The following SDK1 variants were observed in gnomAD, a reference collection of about 807,000 sequenced individuals.
SDK1 encodes sidekick cell adhesion molecule 1, also known as protein sidekick-1.
Under a neutral mutation model 245.5 loss-of-function variants are expected in SDK1, and 157 were observed. The observed-to-expected ratio is 0.64, with a 90% CI of 0.56 to 0.73. SDK1 has a LOEUF of 0.73. SDK1 is among the 30% of genes least tolerant of loss of function. The pLI is 0.00. For synonymous variants in SDK1, 1,647 were observed against 1,278.5 expected, an observed-to-expected ratio of 1.29 and a Z score of -6.15; for missense variants, 3,583 against 3,002.3, an observed-to-expected ratio of 1.19 and a Z score of -4.52.
At chr7:4,137,767 G>A (rs953088121) in intron 28 of SDK1, among the ~76,000 whole-genome samples, 4 of 152,180 alleles carry the variant, frequency 2.6e-5, no homozygotes, top group East Asian at 1.9e-4. Context: ...CTGGCCTTGC[G>A]TCGCTGAAGT....
At position 4,110,725 on chromosome 7, in the gene SDK1, T is replaced by C; in HGVS notation, c.3387T>C (p.Asp1129=). ...TCTATGAAGAGGAGAATGAGCCTGA[T>C]GCCCAGATGCTGGAGATCCCAAACC... ...VTLYEEENEP[D]AQMLEIPNLT... is the part of the protein sequence containing the mutation. Residue 1129 remains aspartate, a synonymous_variant, in exon 23 of 45, where the codon GAT becomes GAC. Transcript: ENST00000404826. 1 of 1,614,076 alleles carries C rather than the reference T, an allele frequency of 6.2e-7. No individual in the cohort carries two copies. The highest frequency in any genetic ancestry group is 8.5e-7 in the Non-Finnish European group (1 of 1,179,964).
chr7:3,467,708 T>G (rs1371678296), intron 1 of SDK1, among the ~76,000 whole-genome samples: 2 of 152,168 alleles, frequency 1.3e-5, no homozygotes, highest in African/African-American at 4.8e-5. Flanking sequence ...TTCCATAGTT[T>G]CTTTGTATTA....
At chr7:4,110,060 A>T (rs6960646) in intron 22 of SDK1, among the ~76,000 whole-genome samples, 1 of 152,110 alleles carries the variant, frequency 6.6e-6, no homozygotes, top group Non-Finnish European at 1.5e-5. Context: ...CAACACTGCC[A>T]GGAGGCAGTT....
intron 4 of SDK1, among the ~76,000 whole-genome samples, chr7:3,802,779 G>A (rs545816351): frequency 6.6e-6 from 1 of 152,188 alleles, no homozygotes; most frequent in African/African-American, 2.4e-5. Flanking sequence ...CAAGTTGCAT[G>A]TATCAATGGC....
chr7:3,974,332 G>A (rs774999460), intron 12 of SDK1, 37 bp from the exon 13 acceptor site: 11 of 1,577,594 alleles, frequency 7.0e-6, no homozygotes, highest in Non-Finnish European at 9.5e-6. Flanking sequence ...CTGTCACTGT[G>A]GGGTTTGTAA....
intron 38 of SDK1, among the ~76,000 whole-genome samples, chr7:4,212,539 A>G (rs1784562716): frequency 6.6e-6 from 1 of 152,318 alleles, no homozygotes; most frequent in Non-Finnish European, 1.5e-5. Context: ...TAGTGTGGCC[A>G]CTTCGAGGGG....
chr7:3,432,975 A>G (rs1037525287), intron 1 of SDK1, among the ~76,000 whole-genome samples: 3 of 152,184 alleles, frequency 2.0e-5, no homozygotes, highest in African/African-American at 4.8e-5. Flanking sequence ...AGTGACTAGA[A>G]TCTTTGAATT....
At chr7:4,127,351 A>G (rs1313268439) in intron 25 of SDK1, 30 bp from the exon 26 acceptor site, 1 of 1,514,526 alleles carries the variant, frequency 6.6e-7, no homozygotes, top group Non-Finnish European at 9.2e-7. Flanking sequence ...TAGATTTTGG[A>G]TGCTAATCTA....
chr7:3,527,938 A>T (rs1783203136), intron 1 of SDK1, among the ~76,000 whole-genome samples: 1 of 147,836 alleles, frequency 6.8e-6, no homozygotes, highest in African/African-American at 2.5e-5. Flanking sequence ...GAATGGTAGG[A>T]GGTAAAGTTG....
At chr7:4,090,543 G>A (rs995170904) in intron 22 of SDK1, among the ~76,000 whole-genome samples, 2 of 152,202 alleles carry the variant, frequency 1.3e-5, no homozygotes, top group Non-Finnish European at 2.9e-5. Context: ...CGATTTGGGG[G>A]TGGCGGGGAG....
Position 3,598,956 on chromosome 7 carries a change from G to C in SDK1, c.299-20124G>C, listed in dbSNP as rs1385388602. Among the ~76,000 whole-genome samples the C allele has an allele frequency of 2.6e-5, 4 of 151,972 alleles. No individual in the cohort carries two copies. In the South Asian group the frequency reaches 8.3e-4, roughly 32 times the overall value. On this transcript the variant is annotated intron_variant, in intron 1 of 44. Coordinates refer to ENST00000404826, the MANE Select transcript of SDK1 (RefSeq NM_152744.4). ...TGTGAACATATGTCTTCATTTCTTT[G>C]GGATAAATGCCCAAGAGAACAGTTG...
intron 4 of SDK1, among the ~76,000 whole-genome samples, chr7:3,685,023 C>T (rs1472112615): frequency 6.6e-6 from 1 of 152,060 alleles, no homozygotes; most frequent in African/African-American, 2.4e-5. Flanking sequence ...ACATTGGTAT[C>T]ATCAGAATTC....
At chr7:3,711,678 T>C (rs1475642660) in intron 4 of SDK1, among the ~76,000 whole-genome samples, 1 of 152,146 alleles carries the variant, frequency 6.6e-6, no homozygotes, top group East Asian at 1.9e-4. Flanking sequence ...AGAAAATGAC[T>C]GTGGCTGTAG....
chr7:4,246,825 G>A lies in SDK1; in HGVS notation c.6381+1020G>A, dbSNP rs114364177. On this transcript the variant is annotated intron_variant, in intron 44 of 44. Transcript: ENST00000404826. ...CCTACCCGCCTCAGGCCTCCCCTGC[G>A]CCTGGGTGTGCAGCAGTTGAGACAT... Among the ~76,000 whole-genome samples, 468 of 152,272 alleles carry A rather than the reference G, an allele frequency of 3.1e-3. 3 individuals are homozygous for A. The highest frequency in any genetic ancestry group is 9.0e-3 in the African/African-American group (374 of 41,562).
intron 32 of SDK1, among the ~76,000 whole-genome samples, chr7:4,163,727 G>C (rs1023932946): frequency 1.3e-5 from 2 of 152,174 alleles, no homozygotes; most frequent in African/African-American, 2.4e-5. Context: ...GAGGTGCGTA[G>C]TGCTAGAGAT....
chr7:3,621,810 A>C (rs1781950380), intron 2 of SDK1, among the ~76,000 whole-genome samples: 1 of 152,230 alleles, frequency 6.6e-6, no homozygotes, highest in Non-Finnish European at 1.5e-5. Context: ...TTGATTTTTA[A>C]ATGGATAATA....
intron 11 of SDK1, among the ~76,000 whole-genome samples, chr7:3,971,251 G>A (rs775071356): frequency 1.3e-5 from 2 of 152,128 alleles, no homozygotes; most frequent in African/African-American, 2.4e-5. Context: ...GATTTAGGAG[G>A]GGTGGGTGGG....
intron 5 of SDK1, among the ~76,000 whole-genome samples, chr7:3,950,116 G>A (rs76628459): frequency 6.6e-6 from 1 of 152,152 alleles, no homozygotes; most frequent in Non-Finnish European, 1.5e-5. Context: ...TTTAAATAAA[G>A]CCCCTCAGCC....
intron 29 of SDK1, among the ~76,000 whole-genome samples, chr7:4,146,965 T>C (rs1780026354): frequency 6.6e-6 from 1 of 152,190 alleles, no homozygotes; most frequent in African/African-American, 2.4e-5. Context: ...TGAAAGTCTA[T>C]AGTGGGCGCC....
Sources: allele counts gnomAD v4.1 joint callset (sites outside exome capture counted in the v4.1 genomes callset), GRCh38; gene constraint gnomAD v4.1.1; transcripts MANE v1.5; gene names NCBI Gene and HGNC (gene_info 2026-07-23, HGNC 2026-07-21).